ARHGAP44: variants seen among roughly 807,000 people sequenced by gnomAD.
ARHGAP44 encodes Rho GTPase activating protein 44, also known as rho GTPase-activating protein 44.
A neutral mutation model predicts 106.8 loss-of-function variants in ARHGAP44; 43 were observed. That is an observed-to-expected ratio of 0.40 (90% CI 0.32 to 0.52). ARHGAP44 has a LOEUF of 0.52. Ranked by LOEUF, ARHGAP44 falls within the 20% of genes least tolerant of loss-of-function variation. The pLI is 0.48. For synonymous variants in ARHGAP44, 439 were observed against 410.3 expected (o/e 1.07, Z -0.85); for missense variants, 866 against 1,050.5 (o/e 0.82, Z 2.43).
chr17:12,823,408 C>T (rs923106312), intron 1 of ARHGAP44, among the ~76,000 whole-genome samples: 5 of 152,176 alleles, frequency 3.3e-5, no homozygotes, highest in Admixed American at 6.5e-5. Context: ...AGTCCTTTCT[C>T]TTATGGCCAA....
intron 1 of ARHGAP44, among the ~76,000 whole-genome samples, chr17:12,832,972 G>A (rs1055762841): frequency 6.6e-6 from 1 of 152,188 alleles, no homozygotes; most frequent in Non-Finnish European, 1.5e-5. Flanking sequence ...TTCCTTCCCC[G>A]ACGATAGCTA....
chr17:12,927,389 G>T (rs756162637), intron 6 of ARHGAP44, among the ~76,000 whole-genome samples: 8 of 152,128 alleles, frequency 5.3e-5, no homozygotes, highest in Non-Finnish European at 8.8e-5. Context: ...AAAGAGAAAA[G>T]AATAGTGGAG....
At position 12,974,245 on chromosome 17, in the gene ARHGAP44, C is replaced by G; in HGVS notation, c.1698C>G (p.Asp566Glu). Reference protein sequence around the residue: ...LPSPLPEQPLDSPAAPALSPS... With the variant: ...LPSPLPEQPLESPAAPALSPS... The stretch of plus-strand genomic sequence containing the variant: ...CGCCGCTGCCGGAGCAGCCCCTGGA[C>G]AGCCCCGCGGCCCCCGCGCTCTCTC... The change falls in exon 18 of 21, where the codon GAC becomes GAG. Residue 566 changes from aspartate (D) to glutamate (E), a missense_variant. Asp to Glu is a conservative substitution (Grantham distance 45). Coordinates refer to ENST00000379672, the MANE Select transcript of ARHGAP44 (RefSeq NM_014859.6). 1 of 1,534,672 alleles carries G rather than the reference C, an allele frequency of 6.5e-7. No homozygotes were observed. The highest frequency in any genetic ancestry group is 8.8e-7 in the Non-Finnish European group (1 of 1,140,890).
chr17:12,946,010 C>T lies in ARHGAP44; in HGVS notation c.861+1814C>T, dbSNP rs140917308. Among the ~76,000 whole-genome samples, 728 of 152,228 alleles carry T rather than the reference C, an allele frequency of 4.8e-3. 4 individuals carry two copies. The highest frequency in any genetic ancestry group is 0.016 in the African/African-American group (682 of 41,538). Reference sequence around the variant, plus strand: ...CTGACCTCAGGTAATCCGTCCACCTCGGCCTCCCAAAGTGCTGAGATTATA... The same window carrying T: ...CTGACCTCAGGTAATCCGTCCACCTTGGCCTCCCAAAGTGCTGAGATTATA... On this transcript the variant is annotated intron_variant, in intron 10 of 20. Coordinates refer to ENST00000379672, the MANE Select transcript of ARHGAP44 (RefSeq NM_014859.6).
chr17:12,931,879 C>CACACACACACACACACAT (rs1815893130), intron 7 of ARHGAP44, among the ~76,000 whole-genome samples: 1 of 139,154 alleles, frequency 7.2e-6, no homozygotes, highest in South Asian at 2.4e-4. Context: ...CACACACACA[C>CACACACACACACACACAT]ATATCATGAT....
chr17:12,908,411 G>T (rs149230470), intron 3 of ARHGAP44, among the ~76,000 whole-genome samples: 65 of 151,972 alleles, frequency 4.3e-4, no homozygotes, highest in Non-Finnish European at 7.9e-4. Flanking sequence ...TGGCCAGGTC[G>T]GTCTCGAACT....
At chr17:12,965,362 T>A (rs1327777306) in intron 16 of ARHGAP44, among the ~76,000 whole-genome samples, 1 of 152,194 alleles carries the variant, frequency 6.6e-6, no homozygotes, top group Admixed American at 6.5e-5. Context: ...TATGGGATAT[T>A]TACATCAGGG....
intron 6 of ARHGAP44, among the ~76,000 whole-genome samples, chr17:12,924,145 A>G (rs976544243): frequency 3.3e-5 from 5 of 152,252 alleles, no homozygotes; most frequent in Admixed American, 6.5e-5. Context: ...ATCTTGAACA[A>G]TAGTCCCATG....
At chr17:12,965,620 C>T (rs1340981220) in intron 16 of ARHGAP44, among the ~76,000 whole-genome samples, 1 of 152,148 alleles carries the variant, frequency 6.6e-6, no homozygotes, top group Non-Finnish European at 1.5e-5. Context: ...CTAATAAGTT[C>T]CTGAAGCACA....
At chr17:12,851,690 C>T (rs2035747051) in intron 1 of ARHGAP44, among the ~76,000 whole-genome samples, 1 of 152,132 alleles carries the variant, frequency 6.6e-6, no homozygotes, top group Admixed American at 6.5e-5. Context: ...CTGCCTCGGC[C>T]TCCCAAAGTG....
At chr17:12,841,639 C>CAAAAAAAAAAAAAAAAAA (rs1331198278) in intron 1 of ARHGAP44, among the ~76,000 whole-genome samples, 1 of 137,398 alleles carries the variant, frequency 7.3e-6, no homozygotes, top group African/African-American at 2.9e-5. Flanking sequence ...CACACACACA[C>CAAAAAAAAAAAAAAAAAA]AAACAAACAA....
chr17:12,860,834 C>T (rs1050159687), intron 1 of ARHGAP44, among the ~76,000 whole-genome samples: 2 of 149,376 alleles, frequency 1.3e-5, no homozygotes, highest in South Asian at 2.1e-4. Context: ...TTGGACCAAT[C>T]GGTATATGGT....
chr17:12,874,071 A>G (rs1190749549), intron 1 of ARHGAP44, among the ~76,000 whole-genome samples: 1 of 152,168 alleles, frequency 6.6e-6, no homozygotes, highest in African/African-American at 2.4e-5. Flanking sequence ...TGAGTCAGTG[A>G]TGTCATGTCT....
intron 1 of ARHGAP44, among the ~76,000 whole-genome samples, chr17:12,889,100 G>T (rs931429542): frequency 2.6e-5 from 4 of 152,094 alleles, no homozygotes; most frequent in African/African-American, 9.7e-5. Context: ...ACATAAATCT[G>T]CCATTTTTGT....
intron 1 of ARHGAP44, among the ~76,000 whole-genome samples, chr17:12,871,299 C>T (rs897973466): frequency 4.6e-5 from 7 of 152,132 alleles, no homozygotes; most frequent in African/African-American, 1.7e-4. Flanking sequence ...GGGGTGGTCT[C>T]TCATGAATGG....
chr17:12,895,805 ATGTT>A (rs1222274096), intron 2 of ARHGAP44, among the ~76,000 whole-genome samples: 1 of 152,154 alleles, frequency 6.6e-6, no homozygotes, highest in Non-Finnish European at 1.5e-5. Flanking sequence ...ATGCACACGT[ATGTT>A]TATTGTGGCA....
chr17:12,837,603 GTT>G (rs60392463), intron 1 of ARHGAP44, among the ~76,000 whole-genome samples: 3 of 143,910 alleles, frequency 2.1e-5, no homozygotes, highest in African/African-American at 2.5e-5. Context: ...ACTGCATGTT[GTT>G]TTTTTTTTTT....
intron 1 of ARHGAP44, among the ~76,000 whole-genome samples, chr17:12,794,735 G>A (rs1193756277): frequency 1.3e-5 from 2 of 152,090 alleles, no homozygotes; most frequent in Non-Finnish European, 2.9e-5. Context: ...TTGGTTTCTG[G>A]TGCACAGCTT....
intron 5 of ARHGAP44, among the ~76,000 whole-genome samples, chr17:12,918,403 A>G (rs1285101559): frequency 6.6e-6 from 1 of 152,116 alleles, no homozygotes; most frequent in African/African-American, 2.4e-5. Context: ...TTTTAGTTCA[A>G]TTTTCGGCCA....
Sources: gnomAD v4.1 joint callset for allele counts (sites outside exome capture counted in the v4.1 genomes callset) on GRCh38, gnomAD v4.1.1 for gene constraint, MANE v1.5 for transcripts, NCBI Gene and HGNC (gene_info 2026-07-23, HGNC 2026-07-21) for gene names.